Variants in GPC6 observed in about 807,000 individuals in gnomAD.
The protein encoded by GPC6 is glypican 6, also known as glypican-6.
GPC6 carries 14 observed loss-of-function variants against 55.2 expected under a neutral mutation model. The observed-to-expected ratio is 0.25, with a 90% CI of 0.17 to 0.40. The LOEUF (loss-of-function observed/expected upper bound fraction) is 0.40. Among genes scored for constraint, GPC6 ranks in the 10% least tolerant of loss-of-function variants. The probability of loss-of-function intolerance (pLI) is 1.00; values close to 1 mark genes in which losing one functional copy is unlikely to be tolerated. For missense variants in GPC6, 641 were observed against 708.5 expected (o/e 0.90, Z 1.08); for synonymous variants, 278 against 259.6 (o/e 1.07, Z -0.68).
chr13:94,175,814 C>A (rs1888729215), intron 4 of GPC6, among the ~76,000 whole-genome samples: 1 of 147,920 alleles, frequency 6.8e-6, no homozygotes, highest in East Asian at 2.0e-4. Flanking sequence ...TTATATATAT[C>A]TTTTATATAA....
intron 1 of GPC6, among the ~76,000 whole-genome samples, chr13:93,497,910 T>C (rs1880367871): frequency 6.6e-6 from 1 of 152,146 alleles, no homozygotes; most frequent in African/African-American, 2.4e-5. Context: ...AAAGAAGGTG[T>C]ATTGGAGGGT....
intron 4 of GPC6, among the ~76,000 whole-genome samples, chr13:94,279,703 A>G (rs1272000668): frequency 6.6e-6 from 1 of 152,104 alleles, no homozygotes; most frequent in Non-Finnish European, 1.5e-5. Flanking sequence ...TTATTTACCC[A>G]GGAGTCACTC....
chr13:94,364,993 C>T (rs1454727205), intron 6 of GPC6, among the ~76,000 whole-genome samples: 1 of 152,192 alleles, frequency 6.6e-6, no homozygotes, highest in East Asian at 1.9e-4. Flanking sequence ...TTCATTTATT[C>T]ATTCGCTATT....
At chr13:94,197,918 G>A (rs953685834) in intron 4 of GPC6, among the ~76,000 whole-genome samples, 1 of 152,176 alleles carries the variant, frequency 6.6e-6, no homozygotes, top group Non-Finnish European at 1.5e-5. Context: ...TGTAGCTAAT[G>A]TTTAGCATGT....
intron 4 of GPC6, among the ~76,000 whole-genome samples, chr13:94,276,755 G>A (rs1012951773): frequency 6.6e-6 from 1 of 152,092 alleles, no homozygotes; most frequent in African/African-American, 2.4e-5. Flanking sequence ...CATGTCCCTG[G>A]AAAGGACATG....
At chr13:94,011,117 G>A (rs1027207629) in intron 3 of GPC6, among the ~76,000 whole-genome samples, 1 of 152,086 alleles carries the variant, frequency 6.6e-6, no homozygotes, top group Admixed American at 6.6e-5. Context: ...CACTAAAGGA[G>A]AAAAACATCA....
At chr13:93,559,933 G>C (rs977512052) in intron 2 of GPC6, among the ~76,000 whole-genome samples, 2 of 152,060 alleles carry the variant, frequency 1.3e-5, no homozygotes, top group African/African-American at 4.8e-5. Flanking sequence ...TTTTTGAAGA[G>C]GCCAAGACAT....
chr13:94,108,008 A>G (rs1295937575), intron 4 of GPC6, among the ~76,000 whole-genome samples: 1 of 152,176 alleles, frequency 6.6e-6, no homozygotes, highest in African/African-American at 2.4e-5. Flanking sequence ...AAGTAGAACT[A>G]CCATTTGATC....
intron 1 of GPC6, among the ~76,000 whole-genome samples, chr13:93,415,807 C>CT (rs1167010269): frequency 6.6e-6 from 1 of 151,940 alleles, no homozygotes; most frequent in Non-Finnish European, 1.5e-5. Flanking sequence ...CTAGCTGTAT[C>CT]TTTTTCCAAC....
chr13:93,906,560 A>G (rs890125021), intron 3 of GPC6, among the ~76,000 whole-genome samples: 1 of 152,172 alleles, frequency 6.6e-6, no homozygotes, highest in Non-Finnish European at 1.5e-5. Context: ...ACCATTTTGT[A>G]TTGAATATTG....
intron 3 of GPC6, among the ~76,000 whole-genome samples, chr13:93,961,101 A>G (rs1051792986): frequency 6.6e-6 from 1 of 152,210 alleles, no homozygotes; most frequent in African/African-American, 2.4e-5. Context: ...GGCGTGAGCC[A>G]CCGCACTTGG....
intron 2 of GPC6, among the ~76,000 whole-genome samples, chr13:93,768,868 A>T (rs1018093478): frequency 9.9e-5 from 15 of 152,038 alleles, no homozygotes; most frequent in African/African-American, 3.6e-4. Context: ...GCTCTCTGGG[A>T]AGCTTCTTTC....
At chr13:94,038,208 A>G (rs1177787744) in intron 4 of GPC6, among the ~76,000 whole-genome samples, 9 of 151,950 alleles carry the variant, frequency 5.9e-5, no homozygotes, top group African/African-American at 2.2e-4. Flanking sequence ...TTTTAATTAA[A>G]TTTCAATCAC....
intron 1 of GPC6, among the ~76,000 whole-genome samples, chr13:93,440,323 T>A (rs1877740253): frequency 6.6e-6 from 1 of 152,358 alleles, no homozygotes; most frequent in Non-Finnish European, 1.5e-5. Flanking sequence ...TGCCACTTGG[T>A]CACTTGTGCA....
chr13:93,958,099 A>G (rs1228384582), intron 3 of GPC6, among the ~76,000 whole-genome samples: 1 of 152,192 alleles, frequency 6.6e-6, no homozygotes, highest in East Asian at 1.9e-4. Context: ...AGTTCCTTAT[A>G]GAGTCTAGAT....
At chr13:93,228,493 C>A (rs950043596) in intron 1 of GPC6, among the ~76,000 whole-genome samples, 1 of 152,162 alleles carries the variant, frequency 6.6e-6, no homozygotes, top group Non-Finnish European at 1.5e-5. Context: ...GAGCGCCCAC[C>A]CTTTCTCTCG....
At chr13:93,533,222 C>A (rs891124602) in intron 1 of GPC6, among the ~76,000 whole-genome samples, 5 of 152,166 alleles carry the variant, frequency 3.3e-5, no homozygotes, top group African/African-American at 9.6e-5. Flanking sequence ...TCCCTACATT[C>A]TGCCATTCCC....
At chr13:93,854,765 TACA>T (rs1389252530) in intron 3 of GPC6, among the ~76,000 whole-genome samples, 4 of 151,752 alleles carry the variant, frequency 2.6e-5, no homozygotes, top group Admixed American at 6.6e-5. Flanking sequence ...TTTAGAAATT[TACA>T]ACAATGAACT....
At chr13:93,961,808 C>G (rs35534726) in intron 3 of GPC6, among the ~76,000 whole-genome samples, 4 of 151,220 alleles carry the variant, frequency 2.6e-5, no homozygotes, top group African/African-American at 9.7e-5. Flanking sequence ...TTCTCCCCTC[C>G]TTTTTTTTTA....
Sources: allele counts gnomAD v4.1 joint callset (sites outside exome capture counted in the v4.1 genomes callset), GRCh38; gene constraint gnomAD v4.1.1; transcripts MANE v1.5; gene names NCBI Gene and HGNC (gene_info 2026-07-23, HGNC 2026-07-21).